Variants in GRK4 observed in about 807,000 individuals in gnomAD.
GRK4 encodes the protein G protein-coupled receptor kinase 2-like.
A neutral mutation model predicts 77.9 loss-of-function variants in GRK4; 73 were observed. The ratio of observed to expected loss-of-function variants is 0.94; its 90% CI spans 0.78 to 1.14. The LOEUF is 1.14. GRK4 is among the 50% of genes most tolerant of loss of function. GRK4 has a pLI of 0.00. For synonymous variants in GRK4, 257 were observed against 254.4 expected (o/e 1.01, Z -0.10); for missense variants, 729 against 700.2 (o/e 1.04, Z -0.46).
At chr4:3,037,599 GTC>G in intron 14 of GRK4, 88 bp downstream of exon 14, 2 of 1,405,266 alleles carry the variant, frequency 1.4e-6, no homozygotes, top group Non-Finnish European at 2.0e-6. Context: ...GTGTGTGTGT[GTC>G]TGTGTGTATT....
intron 7 of GRK4, 75 bp downstream of exon 7, chr4:3,009,786 G>A (rs776244902): frequency 8.5e-6 from 9 of 1,053,710 alleles, no homozygotes; most frequent in Non-Finnish European, 1.3e-5. Context: ...ATGGCTTCAG[G>A]TAATGCATCA....
At chr4:2,997,162 C>G (rs1011982045) in intron 4 of GRK4, among the ~76,000 whole-genome samples, 1 of 152,126 alleles carries the variant, frequency 6.6e-6, no homozygotes, top group African/African-American at 2.4e-5. Flanking sequence ...CTTAGTTTTC[C>G]TCTCAGGGTT....
At chr4:2,975,907 T>G (rs773491372) in intron 1 of GRK4, among the ~76,000 whole-genome samples, 1 of 152,226 alleles carries the variant, frequency 6.6e-6, no homozygotes. Flanking sequence ...TCAGTCCTGC[T>G]AAAGTTCCAT....
chr4:2,993,808 CTAAG>C (rs1404593319), intron 4 of GRK4, among the ~76,000 whole-genome samples: 1 of 152,202 alleles, frequency 6.6e-6, no homozygotes, highest in Non-Finnish European at 1.5e-5. Context: ...AAATCAGTGA[CTAAG>C]TGACTTACCC....
At chr4:2,967,895 A>G (rs1225692157) in intron 1 of GRK4, among the ~76,000 whole-genome samples, 1 of 152,032 alleles carries the variant, frequency 6.6e-6, no homozygotes, top group Non-Finnish European at 1.5e-5. Context: ...GGTTCAAGAA[A>G]TTCTCCTGCC....
intron 15 of GRK4, 41 bp from the exon 16 acceptor site, chr4:3,040,531 C>A (rs16843773): frequency 6.4e-7 from 1 of 1,566,140 alleles, no homozygotes; most frequent in South Asian, 1.2e-5. Context: ...GTGAAACCTT[C>A]GCATCAGCCG....
chr4:2,988,631 T>C, intron 2 of GRK4, 96 bp from the exon 3 acceptor site: 1 of 684,254 alleles, frequency 1.5e-6, no homozygotes, highest in Non-Finnish European at 2.7e-6. Context: ...GTTCTTGACT[T>C]TTACTGTATC....
At chr4:2,986,445 C>T (rs1470767880) in intron 2 of GRK4, among the ~76,000 whole-genome samples, 2 of 149,056 alleles carry the variant, frequency 1.3e-5, no homozygotes, top group Non-Finnish European at 3.0e-5. Flanking sequence ...CAAGCTCCGC[C>T]TCCCAGATTC....
At chr4:2,964,192 C>T (rs909652103) in intron 1 of GRK4, 70 bp downstream of exon 1, 1 of 1,301,550 alleles carries the variant, frequency 7.7e-7, no homozygotes, top group Admixed American at 2.0e-5. Context: ...CCTGGCCCCC[C>T]TGAAGGAACC....
intron 1 of GRK4, among the ~76,000 whole-genome samples, chr4:2,967,607 C>G (rs567791864): frequency 6.6e-6 from 1 of 152,288 alleles, no homozygotes; most frequent in African/African-American, 2.4e-5. Flanking sequence ...CCATGTTGGC[C>G]AGGCTAGTCT....
At chr4:3,005,887 C>A (rs1023066216) in intron 5 of GRK4, among the ~76,000 whole-genome samples, 7 of 151,644 alleles carry the variant, frequency 4.6e-5, no homozygotes, top group Non-Finnish European at 1.0e-4. Context: ...CTTCTCTGCA[C>A]ACTGAGGAGC....
chr4:3,021,451 T>C (rs1263310), intron 9 of GRK4, among the ~76,000 whole-genome samples: 152,304 of 152,306 alleles, frequency 1, 76,151 homozygotes, highest in Middle Eastern at 1. Context: ...TCTCATTTCT[T>C]CCTATTCTGA....
intron 3 of GRK4, among the ~76,000 whole-genome samples, chr4:2,990,809 A>G (rs1725931333): frequency 6.6e-6 from 1 of 152,172 alleles, no homozygotes. Context: ...ATGTGACTGC[A>G]GTTACAGGTT....
chr4:3,008,196 T>C (rs1479484263), intron 6 of GRK4, among the ~76,000 whole-genome samples: 2 of 152,256 alleles, frequency 1.3e-5, no homozygotes, highest in Admixed American at 6.5e-5. Context: ...TCTAATTTAA[T>C]AGACTCTGTT....
chr4:2,964,459 T>G (rs1716840768), intron 1 of GRK4, among the ~76,000 whole-genome samples: 1 of 152,200 alleles, frequency 6.6e-6, no homozygotes. Flanking sequence ...GGCAGTGTCC[T>G]GCTTGTGTTG....
rs750945988 is a variant in GRK4 at position 2,984,493 on chromosome 4, CT to C, written c.53-14del. 7 of 1,500,076 alleles carry C rather than the reference CT, an allele frequency of 4.7e-6. No individual in the cohort carries two copies. The highest frequency in any genetic ancestry group is 1.7e-5 in the Admixed American group (1 of 59,018). 92.9% of individuals were successfully genotyped at this position (1,500,076 alleles called of 1,614,324 possible). ...ATTTCTGACTGTTAAAGGAAATTGC[CT>C]TTTTTCTCCCAAATTCAGGAGGATA... On this transcript the variant is annotated intron_variant, in intron 1 of 15. Transcript: ENST00000398052.
chr4:3,005,476 G>T (rs908564322), intron 5 of GRK4, among the ~76,000 whole-genome samples: 3 of 152,086 alleles, frequency 2.0e-5, no homozygotes, highest in Non-Finnish European at 2.9e-5. Context: ...GCTGGGGCTG[G>T]ACCCTGATGC....
At position 2,993,860 on chromosome 4, in the gene GRK4, G is replaced by A. The variant is rs566999995; in HGVS notation, c.339+1568G>A. Among the ~76,000 whole-genome samples, 37 of 152,250 alleles carry A rather than the reference G, an allele frequency of 2.4e-4. No individual in the cohort carries two copies. The South Asian group carries it at 2.9e-3, about 12-fold the overall frequency. On this transcript the variant is annotated intron_variant, in intron 4 of 15. Coordinates refer to ENST00000398052, the MANE Select transcript of GRK4 (RefSeq NM_182982.3). ...CTAGTAAGTGTCAGAACCAGGAATCGAACATGTGGAGAATGGAATTAGTGA... is the reference window on the plus strand; with the variant it reads ...CTAGTAAGTGTCAGAACCAGGAATCAAACATGTGGAGAATGGAATTAGTGA...
intron 1 of GRK4, among the ~76,000 whole-genome samples, chr4:2,972,211 T>G (rs115515318): frequency 1.3e-5 from 2 of 152,178 alleles, no homozygotes; most frequent in African/African-American, 4.8e-5. Context: ...TTCAACCCAG[T>G]ATGCTGCCCA....
Sources: gnomAD v4.1 joint callset for allele counts (sites outside exome capture counted in the v4.1 genomes callset) on GRCh38, gnomAD v4.1.1 for gene constraint, MANE v1.5 for transcripts, NCBI Gene and HGNC (gene_info 2026-07-23, HGNC 2026-07-21) for gene names.